Variants in ROR1 observed in about 807,000 individuals in gnomAD.
ROR1 encodes the protein ROR family WNT receptor 1, also known as inactive tyrosine-protein kinase transmembrane receptor ROR1.
A neutral mutation model predicts 78.8 loss-of-function variants in ROR1; 19 were observed. That is an observed-to-expected ratio of 0.24 (90% CI 0.17 to 0.35). ROR1 has a LOEUF of 0.35. Ranked by LOEUF, ROR1 falls within the 10% of genes least tolerant of loss-of-function variation. The pLI is 1.00. For synonymous variants in ROR1, 386 were observed against 433.6 expected (o/e 0.89, Z 1.36); for missense variants, 917 against 1,177.8 (o/e 0.78, Z 3.24).
At chr1:63,797,643 T>G (rs763415848) in intron 1 of ROR1, among the ~76,000 whole-genome samples, 16 of 152,212 alleles carry the variant, frequency 1.1e-4, no homozygotes, top group Non-Finnish European at 1.9e-4. Flanking sequence ...AACAAGCCCT[T>G]CTATGAAAGC....
intron 1 of ROR1, among the ~76,000 whole-genome samples, chr1:63,924,561 C>T (rs1256569352): frequency 6.6e-6 from 1 of 152,090 alleles, no homozygotes; most frequent in Non-Finnish European, 1.5e-5. Flanking sequence ...AGCCTACTGC[C>T]TCCCGATACT....
At chr1:63,994,551 T>C (rs1646322328) in intron 1 of ROR1, among the ~76,000 whole-genome samples, 2 of 152,020 alleles carry the variant, frequency 1.3e-5, no homozygotes, top group African/African-American at 2.4e-5. Context: ...TCAGAAAAAA[T>C]GCAGACAATG....
intron 4 of ROR1, among the ~76,000 whole-genome samples, chr1:64,115,664 A>G (rs895712098): frequency 5.9e-5 from 9 of 151,970 alleles, no homozygotes; most frequent in Admixed American, 4.6e-4. Flanking sequence ...TATTTATTTT[A>G]TTAATACTGC....
chr1:63,801,999 C>T (rs1342207991), intron 1 of ROR1, among the ~76,000 whole-genome samples: 1 of 152,030 alleles, frequency 6.6e-6, no homozygotes, highest in East Asian at 1.9e-4. Flanking sequence ...CGTATAATGC[C>T]CCCCCATGTG....
rs749476775 is a variant in ROR1, at chr1:63,943,360, C to T, written c.92-65945C>T. Among the ~76,000 whole-genome samples, 5 of 152,100 alleles carry T rather than the reference C, an allele frequency of 3.3e-5. No individual in the cohort carries two copies. The East Asian group carries it at 5.8e-4, about 18-fold the overall frequency. Reference sequence around the variant, plus strand: ...GAAGGCTAAACCTCAGCCCAGGCACCGACACCCAAACTCAAATTACCCTTC... The same window carrying T: ...GAAGGCTAAACCTCAGCCCAGGCACTGACACCCAAACTCAAATTACCCTTC... On this transcript the variant is annotated intron_variant, in intron 1 of 8. Transcript: ENST00000371079.
chr1:63,950,823 G>A (rs2100469749), intron 1 of ROR1, among the ~76,000 whole-genome samples: 1 of 152,314 alleles, frequency 6.6e-6, no homozygotes, highest in East Asian at 1.9e-4. Flanking sequence ...GAGATTCCCT[G>A]CAAGAGTTAA....
chr1:64,090,763 G>A (rs561789579), intron 4 of ROR1, among the ~76,000 whole-genome samples: 1 of 152,270 alleles, frequency 6.6e-6, no homozygotes, highest in East Asian at 1.9e-4. Flanking sequence ...CTAGAGATAG[G>A]TGGGAGATGG....
intron 4 of ROR1, among the ~76,000 whole-genome samples, chr1:64,099,894 A>G (rs1001697639): frequency 6.6e-6 from 1 of 152,138 alleles, no homozygotes; most frequent in African/African-American, 2.4e-5. Context: ...TCTCTACTAA[A>G]AAATACAAAA....
rs1451252278 is a variant in ROR1, at chr1:64,178,916, A to G, written c.*61A>G. ...AACTAGACGGCCGTAGAAAAGATTT[A>G]TATTCAAATGTTTTTATTAAAGTAA... On this transcript the variant is annotated 3_prime_UTR_variant, in exon 9 of 9. Transcript: ENST00000371079. This position sits in a 1 kb window ranked among gnomAD's most constrained non-coding sequence, Gnocchi z 4.3. 3.4e-5 allele frequency: 43 copies of G among 1,262,958 alleles called. No individual in the cohort carries two copies. The East Asian group carries it at 1.0e-3, about 30-fold the overall frequency. The allele number at this position is 1,262,958 out of a possible 1,614,324, so 78.2% of individuals were successfully genotyped here. A position where few individuals can be genotyped will look rare whatever the true frequency, so the allele number is the denominator to read the frequency against.
rs369823779 is a variant in ROR1, at chr1:64,027,978, G to A, written c.163+18602G>A. 1.4e-4 allele frequency among the ~76,000 whole-genome samples: 22 copies of A among 152,204 alleles called. No homozygotes were observed. The East Asian group carries it at 1.7e-3, about 12-fold the overall frequency. On this transcript the variant is annotated intron_variant, in intron 2 of 8. Coordinates refer to ENST00000371079, the MANE Select transcript of ROR1 (RefSeq NM_005012.4). ...TGGGATTACAGGTGTGAGCCACTGC[G>A]CCTGGCCTTAATTTAGTTCCTATCT...
intron 1 of ROR1, among the ~76,000 whole-genome samples, chr1:63,790,238 G>A (rs1216844111): frequency 6.6e-6 from 1 of 152,198 alleles, no homozygotes; most frequent in East Asian, 1.9e-4. Context: ...TCCTGAGCCT[G>A]GGCCAGTTGA....
rs367642390 is a variant in ROR1, at chr1:64,039,657, C to G, written c.164-10034C>G. On this transcript the variant is annotated intron_variant, in intron 2 of 8. Coordinates refer to ENST00000371079, the MANE Select transcript of ROR1 (RefSeq NM_005012.4). Reference sequence around the variant, plus strand: ...AGCCAAAAGCTTCCACAGTGAGGATCATGTGTCGTGTTGATGCTGAGGCAT... The same window carrying G: ...AGCCAAAAGCTTCCACAGTGAGGATGATGTGTCGTGTTGATGCTGAGGCAT... Among the ~76,000 whole-genome samples, 70 of 152,322 alleles carry G rather than the reference C, an allele frequency of 4.6e-4. No individual in the cohort carries two copies. The East Asian group carries it at 8.1e-3, about 18-fold the overall frequency.
At chr1:64,079,720 G>A (rs971716510) in intron 4 of ROR1, among the ~76,000 whole-genome samples, 1 of 152,146 alleles carries the variant, frequency 6.6e-6, no homozygotes, top group African/African-American at 2.4e-5. Context: ...GACCTCAAGT[G>A]ATCTGCCCTC....
intron 1 of ROR1, among the ~76,000 whole-genome samples, chr1:63,873,520 C>T (rs1388418201): frequency 2.0e-5 from 3 of 152,088 alleles, no homozygotes; most frequent in South Asian, 2.1e-4. Flanking sequence ...ACTGTCTCTT[C>T]GTAGATTCAT....
chr1:63,896,216 AATAAT>A (rs1208470267), intron 1 of ROR1, among the ~76,000 whole-genome samples: 1 of 152,250 alleles, frequency 6.6e-6, no homozygotes, highest in Non-Finnish European at 1.5e-5. Flanking sequence ...TTTGTTAAAA[AATAAT>A]ATAAATATAC....
chr1:64,054,883 C>A lies in ROR1; in HGVS notation c.482+4167C>A, dbSNP rs1411720579. Reference sequence around the variant, plus strand: ...GGCTATGAGGAAAGATTTCTCCTTTCCAGAAGTGTGTCAGAATTTTTCCGT... The same window carrying A: ...GGCTATGAGGAAAGATTTCTCCTTTACAGAAGTGTGTCAGAATTTTTCCGT... On this transcript the variant is annotated intron_variant, in intron 4 of 8. Coordinates refer to ENST00000371079, the MANE Select transcript of ROR1 (RefSeq NM_005012.4). Among the ~76,000 whole-genome samples the A allele has an allele frequency of 2.6e-5, 4 of 152,182 alleles. No homozygotes were observed. The East Asian group carries it at 7.7e-4, about 29-fold the overall frequency.
At chr1:63,907,604 C>G (rs1645539141) in intron 1 of ROR1, among the ~76,000 whole-genome samples, 1 of 152,210 alleles carries the variant, frequency 6.6e-6, no homozygotes, top group Non-Finnish European at 1.5e-5. Context: ...GTCCCTTCTA[C>G]TTCTAAAGTT....
chr1:64,004,812 C>T (rs189899999), intron 1 of ROR1, among the ~76,000 whole-genome samples: 1 of 152,238 alleles, frequency 6.6e-6, no homozygotes, highest in East Asian at 1.9e-4. Flanking sequence ...GGCTTAAATA[C>T]CAAAACCTTA....
At chr1:64,072,898 A>G (rs1375096522) in intron 4 of ROR1, among the ~76,000 whole-genome samples, 1 of 152,208 alleles carries the variant, frequency 6.6e-6, no homozygotes, top group Admixed American at 6.5e-5. Flanking sequence ...CAGAGACCTT[A>G]GCTGGGAGCC....
Sources: allele counts gnomAD v4.1 joint callset (sites outside exome capture counted in the v4.1 genomes callset), GRCh38; gene constraint gnomAD v4.1.1; non-coding constraint Gnocchi (gnomAD v3.1); transcripts MANE v1.5; gene names NCBI Gene and HGNC (gene_info 2026-07-23, HGNC 2026-07-21).